EPAS1: variants seen among roughly 807,000 people sequenced by gnomAD.
EPAS1 encodes the protein endothelial PAS domain-containing protein 1.
In EPAS1, 23 loss-of-function variants were observed where a neutral mutation model predicts 87.9. The ratio of observed to expected loss-of-function variants is 0.26; its 90% CI spans 0.19 to 0.37. EPAS1 has a LOEUF of 0.37. Ranked by LOEUF, EPAS1 falls within the 10% of genes least tolerant of loss-of-function variation. EPAS1 has a pLI of 1.00. For synonymous variants in EPAS1, 508 were observed against 444.3 expected, an observed-to-expected ratio of 1.14 and a Z score of -1.80; for missense variants, 1,138 against 1,120.7, an observed-to-expected ratio of 1.02 and a Z score of -0.22.
In EPAS1 at chr2:46,381,578, C is replaced by T. The variant is rs776189445; in HGVS notation, c.2046-18C>T. 3 of 1,613,842 alleles carry T rather than the reference C, an allele frequency of 1.9e-6. No homozygotes were observed. In the African/African-American group the frequency reaches 4.0e-5, roughly 22 times the overall value. ...TGGCTCCAGACTCCCTCATAGCCTG[C>T]TCTCTCGGGCTTGGCAGGTCTGCAA... On this transcript the variant is annotated intron_variant, in intron 12 of 15. Transcript: ENST00000263734.
At chr2:46,326,490 G>A (rs1051126353) in intron 1 of EPAS1, among the ~76,000 whole-genome samples, 2 of 152,180 alleles carry the variant, frequency 1.3e-5, no homozygotes. Flanking sequence ...TTTGGTCAGG[G>A]TGGAGAGGCC....
intron 1 of EPAS1, among the ~76,000 whole-genome samples, chr2:46,331,576 A>G (rs1683674890): frequency 6.6e-6 from 1 of 152,254 alleles, no homozygotes. Flanking sequence ...TGCATTTGTC[A>G]GAATCTCTGT....
intron 1 of EPAS1, among the ~76,000 whole-genome samples, chr2:46,345,843 T>C (rs550374496): frequency 2.0e-5 from 3 of 152,306 alleles, no homozygotes; most frequent in African/African-American, 7.2e-5. Flanking sequence ...TCTTTTTAAT[T>C]AGTATTAGCT....
chr2:46,303,631 G>A, intron 1 of EPAS1, among the ~76,000 whole-genome samples: 1 of 152,188 alleles, frequency 6.6e-6, no homozygotes, highest in East Asian at 1.9e-4. Context: ...TTGTGAATGG[G>A]TTTCAGAGGC....
At chr2:46,319,144 T>G (rs1683405626) in intron 1 of EPAS1, among the ~76,000 whole-genome samples, 1 of 152,240 alleles carries the variant, frequency 6.6e-6, no homozygotes, top group African/African-American at 2.4e-5. Context: ...AATAAAAGGT[T>G]AAGTGCCATG....
Position 46,377,979 on chromosome 2 carries a change from C to G in EPAS1, c.1335C>G (p.His445Gln). Residue 445 changes from histidine (H) to glutamine (Q), a missense_variant, in exon 10 of 16, where the codon CAC (histidine) becomes CAG (glutamine). His to Gln is a conservative substitution (Grantham distance 24). Transcript: ENST00000263734. ...CATGGGCCACGGAGTTGAGGAGCCA[C>G]AGCACCCAGAGCGAGGCTGGGAGCC... ...SQPWATELRS[H>Q]STQSEAGSLP... 3 of 1,574,544 alleles carry G rather than the reference C, an allele frequency of 1.9e-6. No individual in the cohort carries two copies. Among genetic ancestry groups the G allele is most frequent in the Non-Finnish European group, 2.6e-6 (3 of 1,159,450 alleles).
intron 13 of EPAS1, 99 bp downstream of exon 13, chr2:46,381,821 G>C: frequency 6.3e-7 from 1 of 1,575,970 alleles, no homozygotes; most frequent in South Asian, 1.2e-5. Context: ...AGCCAGCATA[G>C]CCCTTAGGGA....
chr2:46,350,654 C>T (rs1267907368), intron 2 of EPAS1, among the ~76,000 whole-genome samples: 1 of 152,178 alleles, frequency 6.6e-6, no homozygotes, highest in African/African-American at 2.4e-5. Flanking sequence ...AAACCATGAG[C>T]GAATCAGGGT....
intron 6 of EPAS1, among the ~76,000 whole-genome samples, chr2:46,366,067 A>C (rs2103646152): frequency 6.7e-6 from 1 of 150,262 alleles, no homozygotes; most frequent in East Asian, 2.0e-4. Context: ...AGGGGTAAAA[A>C]CTGCAGCCAG....
At chr2:46,314,693 C>A (rs1683277961) in intron 1 of EPAS1, among the ~76,000 whole-genome samples, 1 of 152,196 alleles carries the variant, frequency 6.6e-6, no homozygotes, top group African/African-American at 2.4e-5. Flanking sequence ...CACATGCTCC[C>A]TTAGAGGGAA....
rs142847751 is a variant in EPAS1 at position 46,384,714 on chromosome 2, C to T, written c.*54C>T. The T allele has an allele frequency of 5.1e-3, 8,190 of 1,596,970 alleles. 37 individuals are homozygous for T. The highest frequency in any genetic ancestry group is 6.4e-3 in the Non-Finnish European group (7,552 of 1,173,428). The stretch of plus-strand genomic sequence containing the variant: ...TGCCGACGCCGTCCCACCAGCTTCA[C>T]TCTCTCCGTCTGTTTTTGCAACTAG... On this transcript the variant is annotated 3_prime_UTR_variant, in exon 16 of 16. Coordinates refer to ENST00000263734, the MANE Select transcript of EPAS1 (RefSeq NM_001430.5).
intron 1 of EPAS1, among the ~76,000 whole-genome samples, chr2:46,345,316 C>T (rs1306832705): frequency 6.6e-6 from 1 of 152,046 alleles, no homozygotes; most frequent in Non-Finnish European, 1.5e-5. Context: ...ATTAAATACG[C>T]AATATAGGTT....
chr2:46,358,921 G>A (rs567113182), intron 4 of EPAS1, among the ~76,000 whole-genome samples: 1 of 152,242 alleles, frequency 6.6e-6, no homozygotes, highest in South Asian at 2.1e-4. Flanking sequence ...AGCTATTGAA[G>A]GTTTCTGTGC....
intron 1 of EPAS1, among the ~76,000 whole-genome samples, chr2:46,314,401 G>A (rs1274399756): frequency 1.3e-5 from 2 of 152,210 alleles, no homozygotes; most frequent in East Asian, 3.9e-4. Context: ...GCCAAAGGGA[G>A]TGTGGGTCCT....
chr2:46,366,133 G>A (rs572075953), intron 6 of EPAS1, among the ~76,000 whole-genome samples: 14 of 152,366 alleles, frequency 9.2e-5, no homozygotes, highest in Non-Finnish European at 1.6e-4. Context: ...GCGCTGCACC[G>A]CACGTGGACG....
At chr2:46,331,698 A>G (rs1683677111) in intron 1 of EPAS1, among the ~76,000 whole-genome samples, 2 of 152,318 alleles carry the variant, frequency 1.3e-5, no homozygotes, top group South Asian at 4.2e-4. Context: ...TTCTGGAAAA[A>G]TGAACCTTTT....
rs1684722223 is a variant in EPAS1, at chr2:46,375,358, T to C, written c.887-332T>C. ...GGCAGGTTCTGGACTTGGTTCTGCT[T>C]ATAGCTGAGCTGGTCTGTGAGCCTG... is the stretch of plus-strand genomic sequence containing the variant. On this transcript the variant is annotated intron_variant, in intron 7 of 15. Transcript: ENST00000263734. This position sits in a 1 kb window ranked among gnomAD's most constrained non-coding sequence, Gnocchi z 4.1. Among the ~76,000 whole-genome samples the C allele has an allele frequency of 6.6e-6, 1 of 152,080 alleles. No homozygotes were observed. The highest frequency in any genetic ancestry group is 1.5e-5 in the Non-Finnish European group (1 of 67,988).
Position 46,346,991 on chromosome 2 carries a change from T to G in EPAS1, c.145T>G (p.Ser49Ala), listed in dbSNP as rs763745333. The G allele has an allele frequency of 6.2e-7, 1 of 1,614,138 alleles. No homozygotes were observed. The highest frequency in any genetic ancestry group is 1.1e-5 in the South Asian group (1 of 91,076). Residue 49 changes from serine to alanine, a missense_variant, in exon 2 of 16, where the codon TCC becomes GCC. Ser to Ala is a moderately conservative substitution (Grantham distance 99). Around this residue, in one of 4 missense-constraint regions of EPAS1, gnomAD observed 351 missense variants for 417.1 expected, o/e 0.84. Transcript: ENST00000263734. This position sits in a 1 kb window ranked among gnomAD's most constrained non-coding sequence, Gnocchi z 4.0. ...HELPLPHSVS[S>A]HLDKASIMRL... ...GCTGCCTCTGCCCCACAGTGTGAGC[T>G]CCCATCTGGACAAGGCCTCCATCAT... is the stretch of plus-strand genomic sequence containing the variant.
intron 1 of EPAS1, among the ~76,000 whole-genome samples, chr2:46,327,771 G>A (rs1683592596): frequency 6.6e-6 from 1 of 152,286 alleles, no homozygotes; most frequent in South Asian, 2.1e-4. Context: ...TGTGGAAAAA[G>A]TGTTCTGCCC....
Sources: allele counts gnomAD v4.1 joint callset (sites outside exome capture counted in the v4.1 genomes callset), GRCh38; gene constraint gnomAD v4.1.1; regional missense constraint gnomAD v4.1.1; non-coding constraint Gnocchi (gnomAD v3.1); transcripts MANE v1.5; gene names NCBI Gene and HGNC (gene_info 2026-07-23, HGNC 2026-07-21).